The following SATL1 variants were observed in gnomAD, a reference collection of about 807,000 sequenced individuals.
SATL1 encodes spermidine/spermine N1-acetyl transferase like 1, also known as spermidine/spermine N(1)-acetyltransferase-like protein 1.
In SATL1, 47 loss-of-function variants were observed where a neutral mutation model predicts 51.8. The observed-to-expected ratio is 0.91, with a 90% CI of 0.72 to 1.16. SATL1 has a LOEUF of 1.16. SATL1 is among the 50% of genes most tolerant of loss of function. The pLI is 0.00. For missense variants in SATL1, 520 were observed against 526.4 expected, an observed-to-expected ratio of 0.99 and a Z score of 0.12; for synonymous variants, 176 against 182.4, an observed-to-expected ratio of 0.97 and a Z score of 0.28.
chrX:85,230,890 G>T (rs776235182), intron 1 of SATL1, among the ~76,000 whole-genome samples: 8 of 112,092 alleles, frequency 7.1e-5, no homozygotes, highest in Non-Finnish European at 1.5e-4. Flanking sequence ...CATCACATCT[G>T]TTAGAATGGC....
At chrX:85,106,235 T>C (rs1443724246) in intron 3 of SATL1, among the ~76,000 whole-genome samples, 1 of 112,009 alleles carries the variant, frequency 8.9e-6, no homozygotes, top group Non-Finnish European at 1.9e-5. Flanking sequence ...ATCTAATCAT[T>C]CAGATTAATG....
At chrX:85,241,672 C>CT (rs1457071390) in intron 1 of SATL1, among the ~76,000 whole-genome samples, 4 of 111,697 alleles carry the variant, frequency 3.6e-5, no homozygotes, top group Non-Finnish European at 7.5e-5. Context: ...TCTTTTTGTA[C>CT]TTGTCTGGGT....
Position 85,107,950 on chromosome X carries a change from A to G in SATL1, c.1019T>C (p.Val340Ala). Residue 340 changes from valine to alanine, a missense_variant, in exon 3 of 8, where the codon GTC (valine) becomes GCC (alanine). Physicochemically the swap from Val to Ala is moderately conservative, Grantham distance 64. Coordinates refer to ENST00000644105, the MANE Select transcript of SATL1 (RefSeq NM_001367857.2). The stretch of plus-strand genomic sequence containing the variant: ...TTGGCTTATGCTTGCTTCACTCAGG[A>G]CTAGTTCGCTCAGGCTTTGTGGCCA... The part of the protein sequence containing the change: ...GMWPQSLSEL[V>A]LSEASISQPG... The G allele has an allele frequency of 8.3e-7, 1 of 1,199,777 alleles. No individual in the cohort carries two copies. The highest frequency in any genetic ancestry group is 1.1e-6 in the Non-Finnish European group (1 of 891,232).
At chrX:85,172,955 A>G (rs747796471) in intron 2 of SATL1, among the ~76,000 whole-genome samples, 13 of 111,727 alleles carry the variant, frequency 1.2e-4, no homozygotes, top group African/African-American at 3.9e-4. Context: ...AAAATTTCTT[A>G]ATTTTTATTC....
intron 1 of SATL1, among the ~76,000 whole-genome samples, chrX:85,237,454 T>C (rs1928502808): frequency 9.0e-6 from 1 of 111,423 alleles, no homozygotes; most frequent in Non-Finnish European, 1.9e-5. Flanking sequence ...GCCAAGAACA[T>C]ACACTGGAGT....
intron 2 of SATL1, among the ~76,000 whole-genome samples, chrX:85,115,900 C>T (rs1465379184): frequency 1.2e-5 from 1 of 82,388 alleles, no homozygotes; most frequent in African/African-American, 5.1e-5. Flanking sequence ...CCCACCACCC[C>T]TGAAAGCCAC....
At chrX:85,153,591 A>T (rs934384432) in intron 2 of SATL1, 11 of 111,956 alleles carry the variant, frequency 9.8e-5, no homozygotes, top group African/African-American at 2.6e-4. Context: ...GGGAAATGGG[A>T]CAACATAAAA....
chrX:85,235,761 A>G (rs1457080605), intron 1 of SATL1, among the ~76,000 whole-genome samples: 2 of 111,263 alleles, frequency 1.8e-5, no homozygotes, highest in African/African-American at 6.5e-5. Context: ...AAACAACCTA[A>G]TGATGCATCT....
intron 2 of SATL1, among the ~76,000 whole-genome samples, chrX:85,113,334 A>G (rs1262614649): frequency 8.9e-6 from 1 of 111,931 alleles, no homozygotes; most frequent in Non-Finnish European, 1.9e-5. Flanking sequence ...GCTCAAAAAA[A>G]TCCTGAGGCT....
At chrX:85,121,150 A>G (rs1254642773) in intron 2 of SATL1, among the ~76,000 whole-genome samples, 1 of 110,208 alleles carries the variant, frequency 9.1e-6, no homozygotes, top group Non-Finnish European at 1.9e-5. Context: ...ACACTTGCCC[A>G]ACCTACCTCA....
At chrX:85,218,881 A>C (rs1490521990) in intron 2 of SATL1, among the ~76,000 whole-genome samples, 1 of 112,371 alleles carries the variant, frequency 8.9e-6, no homozygotes, top group African/African-American at 3.2e-5. Context: ...GCAGCCAGGA[A>C]TTATTTTACT....
At chrX:85,190,537 T>C (rs1210232507) in intron 2 of SATL1, among the ~76,000 whole-genome samples, 2 of 111,426 alleles carry the variant, frequency 1.8e-5, no homozygotes, top group Non-Finnish European at 3.8e-5. Context: ...ATATCTTAGA[T>C]AATACCCACT....
chrX:85,125,511 C>T (rs1170253334), intron 2 of SATL1, among the ~76,000 whole-genome samples: 1 of 70,525 alleles, frequency 1.4e-5, no homozygotes, highest in Non-Finnish European at 2.6e-5. Context: ...GGTAAAAACA[C>T]ATAGGAAAGT....
chrX:85,129,352 G>A (rs1925715838), intron 2 of SATL1, among the ~76,000 whole-genome samples: 2 of 111,324 alleles, frequency 1.8e-5, no homozygotes, highest in African/African-American at 3.3e-5. Context: ...CTCTTGAAGA[G>A]GTCCTTCACA....
chrX:85,135,604 C>G (rs183184043), intron 2 of SATL1, among the ~76,000 whole-genome samples: 5 of 108,397 alleles, frequency 4.6e-5, no homozygotes, highest in Admixed American at 3.9e-4. Flanking sequence ...CAGGGCCTCA[C>G]TCTGTCACCC....
At chrX:85,152,028 C>G (rs1486078369) in intron 2 of SATL1, among the ~76,000 whole-genome samples, 1 of 109,519 alleles carries the variant, frequency 9.1e-6, no homozygotes, top group East Asian at 2.9e-4. Flanking sequence ...AGTGAACAGG[C>G]AACCTACAAA....
chrX:85,112,148 T>C (rs888893831), intron 2 of SATL1, among the ~76,000 whole-genome samples: 3 of 111,039 alleles, frequency 2.7e-5, no homozygotes, highest in African/African-American at 9.8e-5. Flanking sequence ...GTCAGGAGTT[T>C]GAGACCAGCT....
chrX:85,170,125 A>C (rs1303418206), intron 2 of SATL1, among the ~76,000 whole-genome samples: 1 of 110,816 alleles, frequency 9.0e-6, no homozygotes, highest in Non-Finnish European at 1.9e-5. Context: ...GGGCCTACTT[A>C]AGAGTGGAGG....
intron 2 of SATL1, among the ~76,000 whole-genome samples, chrX:85,169,226 C>A (rs961726557): frequency 1.3e-4 from 14 of 111,830 alleles, no homozygotes; most frequent in African/African-American, 3.6e-4. Flanking sequence ...TATTTCATGA[C>A]AAAGATGCCA....
Sources: allele counts gnomAD v4.1 joint callset (sites outside exome capture counted in the v4.1 genomes callset), GRCh38; gene constraint gnomAD v4.1.1; transcripts MANE v1.5; gene names NCBI Gene and HGNC (gene_info 2026-07-23, HGNC 2026-07-21).